PIK3R3: variants seen among roughly 807,000 people sequenced by gnomAD.
The protein encoded by PIK3R3 is phosphatidylinositol 3-kinase regulatory subunit gamma.
A neutral mutation model predicts 62.9 loss-of-function variants in PIK3R3; 64 were observed. The observed-to-expected ratio is 1.02, with a 90% CI of 0.83 to 1.25. The LOEUF is 1.25. Ranked by LOEUF, PIK3R3 falls within the 50% of genes most tolerant of loss-of-function variation. The pLI, the probability that PIK3R3 is intolerant of heterozygous loss-of-function variation, is 0.00. For synonymous variants in PIK3R3, 165 were observed against 189.0 expected (o/e 0.87, Z 1.04); for missense variants, 614 against 561.6 (o/e 1.09, Z -0.94).
intron 1 of PIK3R3, among the ~76,000 whole-genome samples, chr1:46,121,709 T>C (rs1475526841): frequency 1.3e-5 from 2 of 152,164 alleles, no homozygotes; most frequent in African/African-American, 4.8e-5. Context: ...CACAGTTGCA[T>C]GCTCTGGATT....
At chr1:46,144,461 C>T in the PIK3R3 span, among the ~76,000 whole-genome samples, 3 of 152,188 alleles carry the variant, frequency 2.0e-5, no homozygotes, top group Non-Finnish European at 1.5e-5. Flanking sequence ...ATCAGGCCAA[C>T]CATTAAATAA....
the PIK3R3 span, among the ~76,000 whole-genome samples, chr1:46,164,688 G>T: frequency 6.6e-6 from 1 of 152,118 alleles, no homozygotes; most frequent in Non-Finnish European, 1.5e-5. Context: ...GCCCCAGTCT[G>T]GTCCCTGCTT....
chr1:46,049,072 A>G (rs1056575498), intron 7 of PIK3R3, among the ~76,000 whole-genome samples: 3 of 152,114 alleles, frequency 2.0e-5, no homozygotes, highest in African/African-American at 7.2e-5. Flanking sequence ...ATTGGGTTGT[A>G]AAACCAATTA....
At chr1:46,124,886 T>A (rs1204128062) in intron 1 of PIK3R3, among the ~76,000 whole-genome samples, 2 of 149,456 alleles carry the variant, frequency 1.3e-5, no homozygotes, top group African/African-American at 5.0e-5. Flanking sequence ...TTGCCTGAGG[T>A]CAGGAGTTTG....
chr1:46,116,660 CAAA>C (rs879367355), intron 1 of PIK3R3, among the ~76,000 whole-genome samples: 4 of 126,290 alleles, frequency 3.2e-5, no homozygotes, highest in African/African-American at 5.9e-5. Context: ...AAACTCCATC[CAAA>C]AAAAAAAAAA....
At chr1:46,059,653 A>G (rs1440362417) in intron 6 of PIK3R3, among the ~76,000 whole-genome samples, 1 of 152,078 alleles carries the variant, frequency 6.6e-6, no homozygotes, top group African/African-American at 2.4e-5. Flanking sequence ...AAATTAGCCA[A>G]TGCAGTGGCA....
chr1:46,163,558 G>T, the PIK3R3 span, among the ~76,000 whole-genome samples: 1 of 152,314 alleles, frequency 6.6e-6, no homozygotes, highest in Admixed American at 6.5e-5. Context: ...TTACTAGCTA[G>T]AGAGACAGAA....
intron 1 of PIK3R3, among the ~76,000 whole-genome samples, chr1:46,092,606 G>A (rs1053399472): frequency 9.9e-5 from 15 of 152,152 alleles, no homozygotes; most frequent in Non-Finnish European, 1.6e-4. Flanking sequence ...CTCGTGATCC[G>A]CCTGCCTCGG....
At chr1:46,140,901 C>T in the PIK3R3 span, among the ~76,000 whole-genome samples, 42 of 152,182 alleles carry the variant, frequency 2.8e-4, no homozygotes, top group African/African-American at 9.6e-4. Context: ...TGCTTTGTCA[C>T]TCAGGCTGGA....
At chr1:46,111,332 C>T (rs1653722979) in intron 1 of PIK3R3, among the ~76,000 whole-genome samples, 1 of 152,080 alleles carries the variant, frequency 6.6e-6, no homozygotes, top group East Asian at 1.9e-4. Context: ...ATACTTCTTC[C>T]TCTCAAGGCA....
Position 46,067,013 on chromosome 1 carries a change from A to C in PIK3R3, c.393T>G (p.Asn131Lys), listed in dbSNP as rs752533437. The change falls in exon 4 of 10, where the codon AAT (asparagine) becomes AAG (lysine). Residue 131 changes from asparagine (N) to lysine (K), a missense_variant. Asn to Lys is a moderately conservative substitution (Grantham distance 94, BLOSUM62 0). Coordinates refer to ENST00000262741, the MANE Select transcript of PIK3R3 (RefSeq NM_003629.4). ...KYGFSDPLTF[N>K]SVVELINHYH... ...AGTGGTTAATGAGCTCCACCACGGA[A>C]TTAAATGTCAGAGGATCAGAAAAGC... 6.2e-7 allele frequency: 1 copy of C among 1,605,914 alleles called. No individual in the cohort carries two copies. Among genetic ancestry groups the C allele is most frequent in the South Asian group, 1.1e-5 (1 of 89,754 alleles).
the PIK3R3 span, among the ~76,000 whole-genome samples, chr1:46,147,571 C>A: frequency 6.6e-6 from 1 of 152,214 alleles, no homozygotes; most frequent in Non-Finnish European, 1.5e-5. Context: ...GCGCCCACCA[C>A]CACGCCTGGC....
At chr1:46,080,570 T>G in intron 2 of PIK3R3, 72 bp downstream of exon 2, 1 of 1,026,784 alleles carries the variant, frequency 9.7e-7, no homozygotes, top group Non-Finnish European at 1.5e-6. Flanking sequence ...TTAAAATGGT[T>G]TACTTTAACT....
At chr1:46,147,487 G>C in the PIK3R3 span, among the ~76,000 whole-genome samples, 1 of 152,004 alleles carries the variant, frequency 6.6e-6, no homozygotes, top group Non-Finnish European at 1.5e-5. Flanking sequence ...GTGCGATCTC[G>C]GCTCACTACA....
chr1:46,154,857 G>A, the PIK3R3 span, among the ~76,000 whole-genome samples: 1 of 152,080 alleles, frequency 6.6e-6, no homozygotes, highest in African/African-American at 2.4e-5. Flanking sequence ...TCTTCATTCA[G>A]GTCTCAGCTC....
At position 46,077,502 on chromosome 1, in the gene PIK3R3, G is replaced by T. The variant is rs781782533; in HGVS notation, c.314+13C>A. 9 of 1,502,790 alleles carry T rather than the reference G, an allele frequency of 6.0e-6. No homozygotes were observed. The highest frequency in any genetic ancestry group is 8.3e-6 in the Non-Finnish European group (9 of 1,078,876). The allele number at this position is 1,502,790 out of a possible 1,614,324, so 93.1% of individuals were successfully genotyped here. A position where few individuals can be genotyped will look rare whatever the true frequency, so the allele number is the denominator to read the frequency against. On this transcript the variant is annotated intron_variant, in intron 3 of 9. Coordinates refer to ENST00000262741, the MANE Select transcript of PIK3R3 (RefSeq NM_003629.4). ...TCAGTAGAGAACTAGCCAAAAGACT[G>T]AAAAGTACTTACCGCAAAGTCAAAG...
intron 1 of PIK3R3, among the ~76,000 whole-genome samples, chr1:46,095,176 C>T (rs1455522311): frequency 6.6e-6 from 1 of 152,142 alleles, no homozygotes; most frequent in African/African-American, 2.4e-5. Flanking sequence ...AAGATACATG[C>T]ATGTGTATGT....
At chr1:46,056,002 A>C (rs1571368704) in intron 6 of PIK3R3, 31 bp from the exon 7 acceptor site, 1 of 1,466,744 alleles carries the variant, frequency 6.8e-7, no homozygotes, top group Non-Finnish European at 9.3e-7. Context: ...TTAAGGCTAA[A>C]ATAGAAATCA....
chr1:46,117,309 T>C (rs1654272566), intron 1 of PIK3R3, among the ~76,000 whole-genome samples: 1 of 152,130 alleles, frequency 6.6e-6, no homozygotes, highest in African/African-American at 2.4e-5. Context: ...GGCACGCACC[T>C]ATAGTCCTAG....
Sources: gnomAD v4.1 joint callset for allele counts (sites outside exome capture counted in the v4.1 genomes callset) on GRCh38, gnomAD v4.1.1 for gene constraint, MANE v1.5 for transcripts, NCBI Gene and HGNC (gene_info 2026-07-23, HGNC 2026-07-21) for gene names.